AK8: variants seen among roughly 807,000 people sequenced by gnomAD.
AK8 encodes the protein ATP-AMP transphosphorylase 8.
AK8 carries 44 observed loss-of-function variants against 54.6 expected under a neutral mutation model. The ratio of observed to expected loss-of-function variants is 0.81; its 90% CI spans 0.63 to 1.04. The LOEUF (loss-of-function observed/expected upper bound fraction) is 1.04, where lower values mean the gene tolerates loss of function less well. AK8 is among the 50% of genes least tolerant of loss of function. AK8 has a pLI of 0.00. For missense variants in AK8, 555 were observed against 613.6 expected (o/e 0.90, Z 1.01); for synonymous variants, 239 against 245.6 (o/e 0.97, Z 0.25).
chr9:132,761,247 CTTTTT>C (rs1349719757), intron 11 of AK8, among the ~76,000 whole-genome samples: 6 of 143,152 alleles, frequency 4.2e-5, no homozygotes, highest in African/African-American at 1.6e-4. Context: ...TTTTCTATTT[CTTTTT>C]TCTTTTCTTT....
intron 5 of AK8, among the ~76,000 whole-genome samples, chr9:132,836,150 A>T (rs1842314176): frequency 6.6e-6 from 1 of 152,152 alleles, no homozygotes; most frequent in Non-Finnish European, 1.5e-5. Context: ...TTAGCCAGGC[A>T]TAGTGACATG....
chr9:132,849,356 T>C (rs1842880080), intron 5 of AK8, among the ~76,000 whole-genome samples: 1 of 152,250 alleles, frequency 6.6e-6, no homozygotes, highest in Admixed American at 6.5e-5. Context: ...AAAGTCTTTC[T>C]AGAGCACAGC....
At position 132,784,472 on chromosome 9, in the gene AK8, T is replaced by C. The variant is rs184637964; in HGVS notation, c.1121+8162A>G. Among the ~76,000 whole-genome samples the C allele has an allele frequency of 1.4e-4, 22 of 151,826 alleles. 1 individual carries two copies. Among genetic ancestry groups the C allele is most frequent in the Middle Eastern group, 6.8e-3 (2 of 294 alleles). On this transcript the variant is annotated intron_variant, in intron 11 of 12. Transcript: ENST00000298545. ...AGGGGAAGGTTGCAGGGAGCTGAGA[T>C]TGCGCCATTCCGGCCTGGATGACAG...
At position 132,878,053 on chromosome 9, in the gene AK8, G is replaced by C; in HGVS notation, c.84+119C>G. 6.5e-7 allele frequency: 1 copy of C among 1,535,228 alleles called. No homozygotes were observed. The highest frequency in any genetic ancestry group is 8.8e-7 in the Non-Finnish European group (1 of 1,135,622). On this transcript the variant is annotated intron_variant, in intron 1 of 12. Transcript: ENST00000298545. This position sits in a 1 kb window ranked among gnomAD's most constrained non-coding sequence, Gnocchi z 4.7. ...ACACACGAATCGTACATCCCGAGTT[G>C]GGCTGCTTCGTGGGCGCGCGACTCG... is the stretch of plus-strand genomic sequence containing the variant.
intron 4 of AK8, among the ~76,000 whole-genome samples, chr9:132,856,917 C>G (rs1368563214): frequency 1.3e-5 from 2 of 152,080 alleles, no homozygotes; most frequent in Non-Finnish European, 2.9e-5. Flanking sequence ...CTGCTGGGAA[C>G]TGGATGAATA....
intron 10 of AK8, among the ~76,000 whole-genome samples, chr9:132,793,003 C>A (rs968330935): frequency 1.3e-5 from 2 of 152,210 alleles, no homozygotes; most frequent in African/African-American, 4.8e-5. Context: ...TGACCTCGGT[C>A]TTTCCCTTTC....
At chr9:132,772,975 C>T (rs896821246) in intron 11 of AK8, among the ~76,000 whole-genome samples, 4 of 152,178 alleles carry the variant, frequency 2.6e-5, no homozygotes, top group Admixed American at 6.5e-5. Context: ...GCCTACAGCC[C>T]TTTCTCCACC....
intron 5 of AK8, among the ~76,000 whole-genome samples, chr9:132,833,246 G>C (rs920643758): frequency 5.9e-5 from 9 of 152,232 alleles, no homozygotes; most frequent in African/African-American, 2.2e-4. Context: ...TTGCCCAGCT[G>C]CAAAATGGGC....
intron 10 of AK8, among the ~76,000 whole-genome samples, chr9:132,810,947 CA>C (rs1840976452): frequency 6.6e-6 from 1 of 151,896 alleles, no homozygotes; most frequent in African/African-American, 2.4e-5. Context: ...CCAATTAGGA[CA>C]AAAAATTGCT....
chr9:132,823,329 G>T lies in AK8; in HGVS notation c.765C>A (p.Thr255=). 1.2e-6 allele frequency: 2 copies of T among 1,613,912 alleles called. No homozygotes were observed. Among genetic ancestry groups the T allele is most frequent in the Non-Finnish European group, 1.7e-6 (2 of 1,179,894 alleles). The change falls in exon 9 of 13, where the codon ACC becomes ACA. Residue 255 remains threonine, a synonymous_variant. Coordinates refer to ENST00000298545, the MANE Select transcript of AK8 (RefSeq NM_152572.3). ...PCVDVFYQAL[T]YVQSNHRTNA... is the part of the protein sequence containing the mutation. ...TAGTACGATGGTTGCTTTGGACATAGGTCAGAGCTGGAAAGAGAGGATATG... is the reference window on the plus strand; with the variant it reads ...TAGTACGATGGTTGCTTTGGACATATGTCAGAGCTGGAAAGAGAGGATATG...
intron 4 of AK8, among the ~76,000 whole-genome samples, chr9:132,863,311 G>A (rs532020908): frequency 6.4e-4 from 98 of 152,356 alleles, no homozygotes; most frequent in African/African-American, 1.9e-3. Flanking sequence ...ATCTCCTGGC[G>A]CGGGCCGCCA....
At chr9:132,740,486 G>A (rs1003367357) in intron 11 of AK8, among the ~76,000 whole-genome samples, 5 of 152,212 alleles carry the variant, frequency 3.3e-5, no homozygotes, top group South Asian at 2.1e-4. Context: ...CTTAGTGGCC[G>A]TGTGTGGTGG....
intron 8 of AK8, among the ~76,000 whole-genome samples, chr9:132,823,563 GC>G (rs1841745789): frequency 6.6e-6 from 1 of 152,226 alleles, no homozygotes; most frequent in Admixed American, 6.5e-5. Context: ...CCACCCTGGA[GC>G]GCCGCCCTGG....
chr9:132,868,596 C>T (rs1354129047), intron 2 of AK8, among the ~76,000 whole-genome samples: 4 of 152,180 alleles, frequency 2.6e-5, no homozygotes, highest in Non-Finnish European at 4.4e-5. Context: ...CAGTCTTCCA[C>T]GTTGGTGAAT....
At chr9:132,740,782 C>G (rs541266437) in intron 11 of AK8, among the ~76,000 whole-genome samples, 33 of 152,308 alleles carry the variant, frequency 2.2e-4, no homozygotes, top group African/African-American at 7.9e-4. Flanking sequence ...CCACCCAGGC[C>G]TTGGAAAGTA....
chr9:132,815,694 G>A (rs1310624221), intron 9 of AK8, among the ~76,000 whole-genome samples: 1 of 152,240 alleles, frequency 6.6e-6, no homozygotes, highest in African/African-American at 2.4e-5. Context: ...CCTGAGCTAG[G>A]GCCGGCACAA....
intron 10 of AK8, among the ~76,000 whole-genome samples, chr9:132,795,331 C>A (rs1437426428): frequency 6.6e-6 from 1 of 152,082 alleles, no homozygotes; most frequent in African/African-American, 2.4e-5. Context: ...CTGCTATAGA[C>A]CCCCTGTACA....
Position 132,725,708 on chromosome 9 carries a change from G to C in AK8, c.1420C>G (p.Leu474Val). 6.3e-7 allele frequency: 1 copy of C among 1,577,404 alleles called. No individual in the cohort carries two copies. Among genetic ancestry groups the C allele is most frequent in the Non-Finnish European group, 8.6e-7 (1 of 1,159,010 alleles). The change falls in exon 13 of 13, where the codon CTG (leucine) becomes GTG (valine). Residue 474 changes from leucine (L) to valine (V), a missense_variant. Physicochemically the swap from Leu to Val is conservative, Grantham distance 32. Transcript: ENST00000298545. The part of the protein sequence containing the change: ...EYIESGIINP[L>V]PKKIP The stretch of plus-strand genomic sequence containing the variant: ...ACCCATCAGGGGATTTTCTTGGGCA[G>C]GGGATTAATGATCCCACTCTCGATG...
At chr9:132,752,082 T>C (rs1837954168) in intron 11 of AK8, among the ~76,000 whole-genome samples, 1 of 151,918 alleles carries the variant, frequency 6.6e-6, no homozygotes, top group South Asian at 2.1e-4. Flanking sequence ...CCTCAAATGA[T>C]CCACGCGCCT....
Sources: allele counts gnomAD v4.1 joint callset (sites outside exome capture counted in the v4.1 genomes callset), GRCh38; gene constraint gnomAD v4.1.1; non-coding constraint Gnocchi (gnomAD v3.1); transcripts MANE v1.5; gene names NCBI Gene and HGNC (gene_info 2026-07-23, HGNC 2026-07-21).